Variants in NKAIN2 observed in about 807,000 individuals in gnomAD.
NKAIN2 encodes sodium/potassium-transporting ATPase subunit beta-1-interacting protein 2.
In NKAIN2, 14 loss-of-function variants were observed where a neutral mutation model predicts 32.6. That is an observed-to-expected ratio of 0.43 (90% CI 0.28 to 0.67). NKAIN2 has a LOEUF of 0.67. Ranked by LOEUF, NKAIN2 falls within the 30% of genes least tolerant of loss-of-function variation. The pLI is 0.17. For synonymous variants in NKAIN2, 80 were observed against 87.2 expected (o/e 0.92, Z 0.46); for missense variants, 198 against 258.3 (o/e 0.77, Z 1.60).
At chr6:124,091,716 T>C (rs1352468695) in intron 1 of NKAIN2, among the ~76,000 whole-genome samples, 1 of 151,972 alleles carries the variant, frequency 6.6e-6, no homozygotes, top group Non-Finnish European at 1.5e-5. Context: ...ATTTCAGTAA[T>C]GTATTTAATG....
At chr6:124,752,735 T>A (rs1340199156) in intron 4 of NKAIN2, among the ~76,000 whole-genome samples, 2 of 152,064 alleles carry the variant, frequency 1.3e-5, no homozygotes, top group Non-Finnish European at 2.9e-5. Context: ...ACAAAGATGG[T>A]TAAACAAAGA....
intron 1 of NKAIN2, among the ~76,000 whole-genome samples, chr6:124,108,475 T>C (rs1785220353): frequency 6.6e-6 from 1 of 152,072 alleles, no homozygotes; most frequent in Admixed American, 6.6e-5. Context: ...ATTCAAGACA[T>C]TTCCATACAG....
intron 3 of NKAIN2, among the ~76,000 whole-genome samples, chr6:124,388,652 C>T (rs1216942983): frequency 6.6e-6 from 1 of 151,958 alleles, no homozygotes; most frequent in East Asian, 1.9e-4. Context: ...TTTCTATAGC[C>T]TCAGAATTAA....
At chr6:124,321,610 G>A (rs1797195321) in intron 2 of NKAIN2, among the ~76,000 whole-genome samples, 2 of 152,068 alleles carry the variant, frequency 1.3e-5, no homozygotes, top group African/African-American at 4.8e-5. Flanking sequence ...CAGTGCTTTG[G>A]CAGCTGTTAT....
At chr6:124,127,372 A>G (rs1175245748) in intron 1 of NKAIN2, among the ~76,000 whole-genome samples, 2 of 152,200 alleles carry the variant, frequency 1.3e-5, no homozygotes, top group Non-Finnish European at 2.9e-5. Context: ...GTCATAGAGA[A>G]GGATTCTTAG....
intron 1 of NKAIN2, among the ~76,000 whole-genome samples, chr6:123,910,685 T>C (rs1775135811): frequency 2.0e-5 from 3 of 151,744 alleles, no homozygotes. Flanking sequence ...TTTGTTTTTT[T>C]AGTAGAGATG....
At chr6:124,414,511 C>T (rs1193017411) in intron 3 of NKAIN2, among the ~76,000 whole-genome samples, 1 of 152,124 alleles carries the variant, frequency 6.6e-6, no homozygotes, top group Non-Finnish European at 1.5e-5. Context: ...CAATGCTGGC[C>T]TCATAGAAGG....
At chr6:124,821,573 A>G (rs1003405503) in intron 6 of NKAIN2, among the ~76,000 whole-genome samples, 1 of 152,196 alleles carries the variant, frequency 6.6e-6, no homozygotes, top group South Asian at 2.1e-4. Context: ...ATTAAATTGC[A>G]TAAGGACAAA....
At chr6:124,511,616 G>A (rs189858445) in intron 3 of NKAIN2, among the ~76,000 whole-genome samples, 5 of 152,184 alleles carry the variant, frequency 3.3e-5, no homozygotes, top group Admixed American at 2.0e-4. Flanking sequence ...AATATCTGAC[G>A]AAAGTAATGT....
chr6:124,004,313 C>T (rs2114719446), intron 1 of NKAIN2, among the ~76,000 whole-genome samples: 1 of 152,098 alleles, frequency 6.6e-6, no homozygotes, highest in Admixed American at 6.5e-5. Context: ...CAGGATAGAT[C>T]TTCAGTAAAG....
chr6:123,908,372 C>G (rs991461662), intron 1 of NKAIN2, among the ~76,000 whole-genome samples: 5 of 152,320 alleles, frequency 3.3e-5, no homozygotes, highest in Non-Finnish European at 7.4e-5. Flanking sequence ...AAAGGCTCTT[C>G]AGCTCTTGCT....
intron 4 of NKAIN2, among the ~76,000 whole-genome samples, chr6:124,761,934 T>C (rs1778284374): frequency 6.6e-6 from 1 of 152,212 alleles, no homozygotes; most frequent in African/African-American, 2.4e-5. Context: ...AATCTCAATT[T>C]CAGTGTCCTT....
intron 1 of NKAIN2, among the ~76,000 whole-genome samples, chr6:123,837,838 G>A (rs1349510234): frequency 6.6e-6 from 1 of 152,144 alleles, no homozygotes; most frequent in Non-Finnish European, 1.5e-5. Flanking sequence ...CTTGTGGAAA[G>A]TGATGTGAAA....
chr6:124,226,833 T>C (rs1792138460), intron 1 of NKAIN2, among the ~76,000 whole-genome samples: 1 of 152,118 alleles, frequency 6.6e-6, no homozygotes, highest in Admixed American at 6.6e-5. Flanking sequence ...TTTAGGGAAG[T>C]ATTTCAATTT....
At chr6:124,691,987 T>C (rs1287137636) in intron 4 of NKAIN2, among the ~76,000 whole-genome samples, 1 of 152,242 alleles carries the variant, frequency 6.6e-6, no homozygotes, top group African/African-American at 2.4e-5. Context: ...TAAAAGTGCA[T>C]TGTTATATTT....
At chr6:124,502,311 G>A (rs1355861056) in intron 3 of NKAIN2, among the ~76,000 whole-genome samples, 1 of 152,078 alleles carries the variant, frequency 6.6e-6, no homozygotes, top group Non-Finnish European at 1.5e-5. Flanking sequence ...TATCTCAAAT[G>A]TGTATGTGCA....
At chr6:124,060,745 G>A (rs554637381) in intron 1 of NKAIN2, among the ~76,000 whole-genome samples, 9 of 152,096 alleles carry the variant, frequency 5.9e-5, no homozygotes, top group Admixed American at 2.6e-4. Flanking sequence ...AAATTTCATC[G>A]TCAGTGTTTA....
At chr6:124,376,498 A>T (rs1386985177) in intron 3 of NKAIN2, among the ~76,000 whole-genome samples, 1 of 152,204 alleles carries the variant, frequency 6.6e-6, no homozygotes, top group Admixed American at 6.5e-5. Context: ...TCCTGCAAGG[A>T]GAATTAGCAT....
At chr6:124,161,226 A>G (rs1445966456) in intron 1 of NKAIN2, among the ~76,000 whole-genome samples, 2 of 152,114 alleles carry the variant, frequency 1.3e-5, no homozygotes, top group African/African-American at 4.8e-5. Flanking sequence ...CAAAGGAGAA[A>G]CAGGCATGTC....
Sources: allele counts gnomAD v4.1 joint callset (sites outside exome capture counted in the v4.1 genomes callset), GRCh38; gene constraint gnomAD v4.1.1; transcripts MANE v1.5; gene names NCBI Gene and HGNC (gene_info 2026-07-23, HGNC 2026-07-21).